Variants in ARMCX4 observed in about 807,000 individuals in gnomAD.
ARMCX4 encodes the protein armadillo repeat-containing X-linked protein 4.
ARMCX4 carries 3 observed loss-of-function variants against 34.7 expected under a neutral mutation model. The ratio of observed to expected loss-of-function variants is 0.09; its 90% confidence interval spans 0.04 to 0.22. The LOEUF is 0.22. Among genes scored for constraint, ARMCX4 ranks in the 10% least tolerant of loss-of-function variants. The probability of loss-of-function intolerance (pLI) is 1.00; values close to 1 mark genes in which losing one functional copy is unlikely to be tolerated. For missense variants in ARMCX4, 1,448 were observed against 1,720.8 expected (o/e 0.84, Z 2.81); for synonymous variants, 513 against 632.8 (o/e 0.81, Z 2.84).
At chrX:101,530,266 T>G (rs1314368355) in intron 11 of ARMCX4, among the ~76,000 whole-genome samples, 2 of 111,304 alleles carry the variant, frequency 1.8e-5, no homozygotes, top group African/African-American at 6.5e-5. Flanking sequence ...TTCTCACTCA[T>G]AGGTGGGAAT....
At chrX:101,515,699 C>T (rs1934729671) in intron 11 of ARMCX4, among the ~76,000 whole-genome samples, 1 of 105,980 alleles carries the variant, frequency 9.4e-6, no homozygotes, top group African/African-American at 3.4e-5. Flanking sequence ...CCACCACACC[C>T]AGCTAATTTT....
intron 4 of ARMCX4, among the ~76,000 whole-genome samples, chrX:101,475,381 G>GT (rs201927309): frequency 0.05 from 5,493 of 110,955 alleles, 109 homozygotes; most frequent in Middle Eastern, 0.083. Context: ...GCTGACAAAA[G>GT]TTGGGGGGGT....
chrX:101,434,254 CTT>C (rs140569758), intron 2 of ARMCX4, among the ~76,000 whole-genome samples: 1,542 of 89,235 alleles, frequency 0.017, 40 homozygotes, highest in African/African-American at 0.058. Flanking sequence ...TTAGAGTATT[CTT>C]TTTTTTTTTT....
chrX:101,455,915 C>T (rs945958827), intron 4 of ARMCX4, among the ~76,000 whole-genome samples: 4 of 111,292 alleles, frequency 3.6e-5, no homozygotes, highest in Non-Finnish European at 7.5e-5. Flanking sequence ...ACGAGACATA[C>T]GGTTTTCTGT....
intron 2 of ARMCX4, among the ~76,000 whole-genome samples, chrX:101,433,049 T>G: frequency 9.1e-6 from 1 of 109,980 alleles, no homozygotes; most frequent in Non-Finnish European, 1.9e-5. Flanking sequence ...TACACACATA[T>G]GTATACATAC....
chrX:101,508,648 C>T (rs782752431), intron 8 of ARMCX4, among the ~76,000 whole-genome samples: 1 of 111,678 alleles, frequency 9.0e-6, no homozygotes, highest in South Asian at 3.8e-4. Flanking sequence ...TATATAACAG[C>T]TTACTATGAA....
downstream of ARMCX4, among the ~76,000 whole-genome samples, chrX:101,451,288 C>T (rs1291198265): frequency 2.7e-5 from 3 of 111,704 alleles, no homozygotes; most frequent in African/African-American, 9.8e-5. Flanking sequence ...TCTAAATGCT[C>T]CCTCTGTGGG....
At chrX:101,534,389 T>C (rs1215009393), downstream of ARMCX4, among the ~76,000 whole-genome samples, 1 of 111,314 alleles carries the variant, frequency 9.0e-6, no homozygotes, top group Non-Finnish European at 1.9e-5. Flanking sequence ...TAACAGATTT[T>C]AGTCTCTAAA....
At chrX:101,485,333 T>G (rs1264155752), upstream of ARMCX4, 1 of 113,820 alleles carries the variant, frequency 8.8e-6, no homozygotes, top group Non-Finnish European at 1.8e-5. Flanking sequence ...GAGTTCCTGG[T>G]GACTGGCCGC....
At chrX:101,474,330 C>G (rs1933066493) in intron 4 of ARMCX4, among the ~76,000 whole-genome samples, 2 of 105,891 alleles carry the variant, frequency 1.9e-5, no homozygotes, top group African/African-American at 3.5e-5. Flanking sequence ...GTTTACCAAC[C>G]AAAAAGAGTC....
At chrX:101,523,009 T>C (rs1285787195) in intron 11 of ARMCX4, among the ~76,000 whole-genome samples, 13 of 111,922 alleles carry the variant, frequency 1.2e-4, no homozygotes, top group African/African-American at 4.2e-4. Context: ...TGGGATCACA[T>C]ACAATTCGGG....
At chrX:101,423,677 T>G (rs1929424862) in intron 2 of ARMCX4, among the ~76,000 whole-genome samples, 1 of 110,406 alleles carries the variant, frequency 9.1e-6, no homozygotes, top group Admixed American at 9.6e-5. Flanking sequence ...ATGAGATAAC[T>G]GGTGGCTGAG....
At chrX:101,510,962 G>A (rs1212189013) in intron 10 of ARMCX4, 1 of 110,809 alleles carries the variant, frequency 9.0e-6, no homozygotes. Flanking sequence ...AAAATGTTTA[G>A]GTTCTTCTTT....
chrX:101,432,738 AC>A (rs1930158321), intron 2 of ARMCX4, among the ~76,000 whole-genome samples: 1 of 73,549 alleles, frequency 1.4e-5, no homozygotes, highest in Admixed American at 1.5e-4. Flanking sequence ...ACACATATAT[AC>A]GTATATATAT....
At chrX:101,426,593 C>G (rs1555991047) in intron 2 of ARMCX4, among the ~76,000 whole-genome samples, 2 of 111,620 alleles carry the variant, frequency 1.8e-5, no homozygotes, top group Admixed American at 1.9e-4. Flanking sequence ...GTTGATGGCT[C>G]ACTTCTGGTT....
At chrX:101,430,678 A>G (rs1929942128) in intron 2 of ARMCX4, among the ~76,000 whole-genome samples, 1 of 112,385 alleles carries the variant, frequency 8.9e-6, no homozygotes, top group African/African-American at 3.2e-5. Context: ...CTGATGGCCC[A>G]TAATCTCCAG....
chrX:101,443,850 C>A (rs1931464622), intron 2 of ARMCX4: 2 of 362,691 alleles, frequency 5.5e-6, no homozygotes, highest in East Asian at 6.8e-5. Flanking sequence ...AACTAGGAAC[C>A]ATTTGCGTTG....
intron 2 of ARMCX4, among the ~76,000 whole-genome samples, chrX:101,439,347 G>T (rs1244774974): frequency 8.9e-5 from 10 of 111,823 alleles, no homozygotes; most frequent in Non-Finnish European, 1.7e-4. Flanking sequence ...TCCGCTGTTA[G>T]TCTGATGGGC....
At chrX:101,447,106 A>G, downstream of ARMCX4, among the ~76,000 whole-genome samples, 1 of 111,875 alleles carries the variant, frequency 8.9e-6, no homozygotes, top group Non-Finnish European at 1.9e-5. Flanking sequence ...TACTCATGAT[A>G]TGGCTGCTGG....
Sources: allele counts gnomAD v4.1 joint callset (sites outside exome capture counted in the v4.1 genomes callset), GRCh38; gene constraint gnomAD v4.1.1; transcripts MANE v1.5; gene names NCBI Gene and HGNC (gene_info 2026-07-23, HGNC 2026-07-21).